Variants in PTK2 observed in about 807,000 individuals in gnomAD.
PTK2 encodes focal adhesion kinase 1.
PTK2 carries 45 observed loss-of-function variants against 150.1 expected under a neutral mutation model. The observed-to-expected ratio is 0.30, with a 90% CI of 0.24 to 0.38. The LOEUF is 0.38. Among genes scored for constraint, PTK2 ranks in the 10% least tolerant of loss-of-function variants. The pLI is 1.00. For missense variants in PTK2, 919 were observed against 1,307.3 expected (o/e 0.70, Z 4.58); for synonymous variants, 432 against 449.2 (o/e 0.96, Z 0.48).
chr8:140,867,201 A>C (rs2100139851), intron 4 of PTK2, among the ~76,000 whole-genome samples: 1 of 152,126 alleles, frequency 6.6e-6, no homozygotes, highest in African/African-American at 2.4e-5. Flanking sequence ...CAGGGTTTTC[A>C]TTTTTCATGA....
intron 23 of PTK2, among the ~76,000 whole-genome samples, chr8:140,714,291 A>T (rs1291379882): frequency 6.6e-6 from 1 of 152,096 alleles, no homozygotes; most frequent in Non-Finnish European, 1.5e-5. Flanking sequence ...GCTACATTAA[A>T]ATTTTTCTAT....
intron 14 of PTK2, among the ~76,000 whole-genome samples, chr8:140,768,616 T>G (rs1187812273): frequency 6.6e-6 from 1 of 152,172 alleles, no homozygotes; most frequent in Non-Finnish European, 1.5e-5. Context: ...GATTATCACT[T>G]TCCTCACCTG....
At chr8:140,883,698 G>C (rs1376577019) in intron 3 of PTK2, among the ~76,000 whole-genome samples, 2 of 151,320 alleles carry the variant, frequency 1.3e-5, no homozygotes, top group Admixed American at 1.3e-4. Flanking sequence ...TCCTCCTCTT[G>C]GTCCAGTCAT....
chr8:140,996,878 A>C (rs1431906128), intron 1 of PTK2, among the ~76,000 whole-genome samples: 3 of 152,238 alleles, frequency 2.0e-5, no homozygotes, highest in South Asian at 4.1e-4. Flanking sequence ...TAGATTAAGA[A>C]GACATTTTGA....
At chr8:140,946,918 A>G (rs536292327) in intron 1 of PTK2, among the ~76,000 whole-genome samples, 186 of 152,210 alleles carry the variant, frequency 1.2e-3, no homozygotes, top group Non-Finnish European at 2.1e-3. Flanking sequence ...AGTTCAAACC[A>G]ATCTTTGACC....
chr8:140,736,924 A>C (rs2066916581), intron 21 of PTK2, among the ~76,000 whole-genome samples: 1 of 152,214 alleles, frequency 6.6e-6, no homozygotes, highest in South Asian at 2.1e-4. Flanking sequence ...ATCTGCCTCA[A>C]AAGAAGCAAA....
intron 2 of PTK2, among the ~76,000 whole-genome samples, chr8:140,918,279 C>G (rs1295511199): frequency 6.6e-6 from 1 of 152,136 alleles, no homozygotes; most frequent in East Asian, 1.9e-4. Flanking sequence ...CTGGAGAAAT[C>G]AAGAGATCAG....
intron 1 of PTK2, among the ~76,000 whole-genome samples, chr8:140,996,191 G>C (rs72689188): frequency 0.04 from 6,077 of 152,304 alleles, 193 homozygotes; most frequent in Non-Finnish European, 0.056. Flanking sequence ...TTGACCCAAG[G>C]CCTAACAAGG....
chr8:140,765,929 G>A (rs2100072020), intron 14 of PTK2, among the ~76,000 whole-genome samples: 1 of 152,118 alleles, frequency 6.6e-6, no homozygotes, highest in African/African-American at 2.4e-5. Context: ...AGTTTAACAC[G>A]CTCAACTTTG....
chr8:140,850,694 C>T (rs1355727644), intron 5 of PTK2, among the ~76,000 whole-genome samples: 1 of 152,062 alleles, frequency 6.6e-6, no homozygotes. Context: ...CGTGTCACTG[C>T]ACTCCAGCCT....
intron 14 of PTK2, 42 bp from the exon 15 acceptor site, chr8:140,770,841 AATT>A: frequency 9.8e-7 from 1 of 1,018,292 alleles, no homozygotes; most frequent in Non-Finnish European, 1.3e-6. Context: ...AATAGAAACA[AATT>A]ATTTCAATAC....
At chr8:140,848,103 G>A (rs1178443993) in intron 5 of PTK2, among the ~76,000 whole-genome samples, 1 of 152,150 alleles carries the variant, frequency 6.6e-6, no homozygotes, top group African/African-American at 2.4e-5. Flanking sequence ...AATCTCAAAT[G>A]GCCAGTTAAA....
intron 26 of PTK2, among the ~76,000 whole-genome samples, chr8:140,700,334 A>T (rs947970126): frequency 1.3e-5 from 2 of 148,222 alleles, no homozygotes; most frequent in East Asian, 2.0e-4. Context: ...TGCCTGGCTA[A>T]TTTTTTTTTT....
intron 5 of PTK2, among the ~76,000 whole-genome samples, chr8:140,862,646 G>C (rs2100136904): frequency 6.6e-6 from 1 of 152,306 alleles, no homozygotes; most frequent in East Asian, 1.9e-4. Context: ...GAGGTGAGCT[G>C]TGGGCAAGCG....
intron 16 of PTK2, among the ~76,000 whole-genome samples, chr8:140,756,734 A>T (rs1005996351): frequency 2.6e-5 from 4 of 151,398 alleles, no homozygotes; most frequent in Admixed American, 2.0e-4. Flanking sequence ...TCACGCCTGT[A>T]ATCCCAGCAC....
At chr8:140,767,732 A>G (rs138845066) in intron 14 of PTK2, among the ~76,000 whole-genome samples, 10 of 152,306 alleles carry the variant, frequency 6.6e-5, no homozygotes, top group African/African-American at 2.4e-4. Context: ...GTGTAATCCC[A>G]GAATGCTGAG....
At chr8:140,881,542 G>A (rs980637338) in intron 3 of PTK2, among the ~76,000 whole-genome samples, 1 of 152,212 alleles carries the variant, frequency 6.6e-6, no homozygotes, top group Non-Finnish European at 1.5e-5. Flanking sequence ...ACCAATTCAA[G>A]AGGCGGCTCT....
At chr8:140,726,420 C>T (rs1442340060) in intron 22 of PTK2, among the ~76,000 whole-genome samples, 1 of 152,052 alleles carries the variant, frequency 6.6e-6, no homozygotes, top group Non-Finnish European at 1.5e-5. Context: ...TCAGCAAATC[C>T]TAAACACAAC....
At chr8:140,803,009 T>G (rs2100096111) in intron 11 of PTK2, among the ~76,000 whole-genome samples, 1 of 133,006 alleles carries the variant, frequency 7.5e-6, no homozygotes, top group South Asian at 2.7e-4. Context: ...GACAATCTTT[T>G]TTTTTTTTTT....
Sources: gnomAD v4.1 joint callset for allele counts (sites outside exome capture counted in the v4.1 genomes callset) on GRCh38, gnomAD v4.1.1 for gene constraint, MANE v1.5 for transcripts, NCBI Gene and HGNC (gene_info 2026-07-23, HGNC 2026-07-21) for gene names.